NUFIP1: variants seen among roughly 807,000 people sequenced by gnomAD.
The protein encoded by NUFIP1 is nuclear FMR1 interacting protein 1.
A neutral mutation model predicts 56.2 loss-of-function variants in NUFIP1; 38 were observed. The observed-to-expected ratio is 0.68, with a 90% CI of 0.52 to 0.89. The LOEUF (loss-of-function observed/expected upper bound fraction) is 0.89. Ranked by LOEUF, NUFIP1 falls within the 40% of genes least tolerant of loss-of-function variation. The pLI is 0.00. For synonymous variants in NUFIP1, 215 were observed against 212.4 expected (o/e 1.01, Z -0.10); for missense variants, 567 against 605.8 (o/e 0.94, Z 0.67).
intron 5 of NUFIP1, among the ~76,000 whole-genome samples, chr13:44,970,647 G>GT (rs1212354852): frequency 6.6e-5 from 10 of 152,090 alleles, no homozygotes; most frequent in Admixed American, 3.9e-4. Flanking sequence ...AATGTAGAAA[G>GT]TAAGTATATT....
At chr13:44,959,933 C>CTCTT (rs572447834) in intron 6 of NUFIP1, among the ~76,000 whole-genome samples, 18 of 150,998 alleles carry the variant, frequency 1.2e-4, no homozygotes, top group African/African-American at 3.6e-4. Flanking sequence ...CTTTTTTCTT[C>CTCTT]TCTTTTTTTT....
At position 44,982,722 on chromosome 13, in the gene NUFIP1, A is replaced by G. The variant is rs1872237586; in HGVS notation, c.413-568T>C. Among the ~76,000 whole-genome samples the G allele has an allele frequency of 2.6e-5, 4 of 152,230 alleles. No individual in the cohort carries two copies. The South Asian group carries it at 8.3e-4, about 32-fold the overall frequency. On this transcript the variant is annotated intron_variant, in intron 1 of 9. Transcript: ENST00000379161. ...CACAACCTGGCTCAAAAATTTGCAT[A>G]TGGACCAGGCGTGGTGGCTCATGCC...
At chr13:44,978,668 C>A (rs900671987) in intron 5 of NUFIP1, among the ~76,000 whole-genome samples, 2 of 152,150 alleles carry the variant, frequency 1.3e-5, no homozygotes, top group African/African-American at 2.4e-5. Flanking sequence ...GAACAAGCAC[C>A]TGTATCTCTT....
intron 6 of NUFIP1, 86 bp downstream of exon 6, chr13:44,965,758 A>C (rs1871575788): frequency 1.8e-6 from 1 of 550,318 alleles, no homozygotes; most frequent in East Asian, 3.4e-5. Context: ...AAGTTACAAA[A>C]GCAAAGATTT....
chr13:44,982,984 G>C (rs1205967897), intron 1 of NUFIP1, among the ~76,000 whole-genome samples: 1 of 152,068 alleles, frequency 6.6e-6, no homozygotes, highest in Admixed American at 6.5e-5. Flanking sequence ...CTCCAGTCTA[G>C]GCAACAGCAC....
intron 5 of NUFIP1, among the ~76,000 whole-genome samples, chr13:44,973,262 C>T (rs1420201033): frequency 6.6e-6 from 1 of 152,148 alleles, no homozygotes; most frequent in Non-Finnish European, 1.5e-5. Context: ...CTACCCTACC[C>T]TATGTAGTGA....
At chr13:44,942,967 TAAAAA>T (rs397959012) in intron 9 of NUFIP1, among the ~76,000 whole-genome samples, 6 of 105,108 alleles carry the variant, frequency 5.7e-5, no homozygotes, top group African/African-American at 2.2e-4. Flanking sequence ...CCTCAACTCT[TAAAAA>T]AAAAAAAAAA....
At chr13:44,949,530 C>CA (rs1359003235) in intron 8 of NUFIP1, among the ~76,000 whole-genome samples, 192 bp downstream of exon 8, 1 of 152,166 alleles carries the variant, frequency 6.6e-6, no homozygotes, top group African/African-American at 2.4e-5. Context: ...TTTTTATTCC[C>CA]AGAGTAGCAA....
intron 5 of NUFIP1, among the ~76,000 whole-genome samples, chr13:44,978,038 C>G (rs1181306320): frequency 6.6e-6 from 1 of 152,130 alleles, no homozygotes; most frequent in African/African-American, 2.4e-5. Context: ...GACAGAGACT[C>G]TGACTCAAAA....
chr13:44,965,990 T>C, intron 5 of NUFIP1, 54 bp from the exon 6 acceptor site: 1 of 1,088,186 alleles, frequency 9.2e-7, no homozygotes, highest in Middle Eastern at 2.8e-4. Flanking sequence ...CAATTTTAAA[T>C]AAGCAATCAA....
intron 5 of NUFIP1, among the ~76,000 whole-genome samples, chr13:44,976,295 G>GAAGGAGAAGGAGAAGA (rs879418353): frequency 1.9e-4 from 29 of 151,836 alleles, no homozygotes; most frequent in Admixed American, 4.6e-4. Context: ...AAGAAGGAAG[G>GAAGGAGAAGGAGAAGA]AAGGAGAAGG....
At chr13:44,975,966 A>T (rs1400305546) in intron 5 of NUFIP1, among the ~76,000 whole-genome samples, 1 of 152,200 alleles carries the variant, frequency 6.6e-6, no homozygotes, top group Non-Finnish European at 1.5e-5. Flanking sequence ...AAGCTTCAGA[A>T]ATTTAACTGT....
At chr13:44,985,902 C>T (rs991606109) in intron 1 of NUFIP1, among the ~76,000 whole-genome samples, 2 of 152,146 alleles carry the variant, frequency 1.3e-5, no homozygotes, top group African/African-American at 4.8e-5. Context: ...GAGGAAGACA[C>T]GTTGAAAGCT....
intron 5 of NUFIP1, among the ~76,000 whole-genome samples, chr13:44,967,418 G>T (rs899533903): frequency 6.6e-6 from 1 of 151,824 alleles, no homozygotes; most frequent in Non-Finnish European, 1.5e-5. Context: ...TGAGACAAGA[G>T]AATTGCTTGA....
intron 7 of NUFIP1, among the ~76,000 whole-genome samples, chr13:44,952,082 C>T (rs936049462): frequency 6.6e-6 from 1 of 152,132 alleles, no homozygotes; most frequent in Admixed American, 6.5e-5. Context: ...AAGCACATAT[C>T]CCCTTTTCTG....
Position 44,940,213 on chromosome 13 carries a change from G to A in NUFIP1, c.*993C>T, listed in dbSNP as rs1870686401. 1 of 152,128 alleles carries A rather than the reference G, an allele frequency of 6.6e-6. No individual in the cohort carries two copies. The highest frequency in any genetic ancestry group is 2.4e-5 in the African/African-American group (1 of 41,430). 9.4% of individuals were successfully genotyped at this position (152,128 alleles called of 1,614,324 possible). A position where few individuals can be genotyped will look rare whatever the true frequency, so the allele number is the denominator to read the frequency against. On this transcript the variant is annotated 3_prime_UTR_variant, in exon 10 of 10. Transcript: ENST00000379161. Reference sequence around the variant, plus strand: ...CAGAATAAACAGATCTGTATGGTGGGTACAAGGCTGGAAAACACTGGCTAA... The same window carrying A: ...CAGAATAAACAGATCTGTATGGTGGATACAAGGCTGGAAAACACTGGCTAA...
intron 8 of NUFIP1, among the ~76,000 whole-genome samples, chr13:44,944,605 C>T (rs935850204): frequency 1.3e-5 from 2 of 151,972 alleles, no homozygotes; most frequent in Non-Finnish European, 2.9e-5. Flanking sequence ...AAAGAACACC[C>T]GACCTAATAC....
intron 5 of NUFIP1, among the ~76,000 whole-genome samples, chr13:44,968,409 A>G (rs1157121408): frequency 1.8e-4 from 27 of 149,000 alleles, no homozygotes; most frequent in Non-Finnish European, 3.9e-4. Context: ...CTGAGAAGAA[A>G]AAAAAAAAAA....
chr13:44,961,849 A>G (rs186516939), intron 6 of NUFIP1, among the ~76,000 whole-genome samples: 64 of 152,344 alleles, frequency 4.2e-4, no homozygotes, highest in South Asian at 2.3e-3. Flanking sequence ...TCATTAAGGT[A>G]TTCACTAATA....
Sources: gnomAD v4.1 joint callset for allele counts (sites outside exome capture counted in the v4.1 genomes callset) on GRCh38, gnomAD v4.1.1 for gene constraint, MANE v1.5 for transcripts, NCBI Gene and HGNC (gene_info 2026-07-23, HGNC 2026-07-21) for gene names.